Variants in CNIH3 observed in about 807,000 individuals in gnomAD.
CNIH3 encodes the protein cornichon family AMPA receptor auxiliary protein 3.
In CNIH3, 14 loss-of-function variants were observed where a neutral mutation model predicts 24.1. The ratio of observed to expected loss-of-function variants is 0.58; its 90% confidence interval spans 0.38 to 0.91. The LOEUF (loss-of-function observed/expected upper bound fraction) is 0.91. Ranked by LOEUF, CNIH3 falls within the 40% of genes least tolerant of loss-of-function variation. The pLI, the probability that CNIH3 is intolerant of heterozygous loss-of-function variation, is 0.00. For missense variants in CNIH3, 178 were observed against 196.8 expected, an observed-to-expected ratio of 0.90 and a Z score of 0.57; for synonymous variants, 68 against 73.8, an observed-to-expected ratio of 0.92 and a Z score of 0.40.
intron 1 of CNIH3, among the ~76,000 whole-genome samples, chr1:224,455,193 A>T (rs911197867): frequency 3.3e-5 from 5 of 152,178 alleles, no homozygotes; most frequent in African/African-American, 1.2e-4. Flanking sequence ...AAGTAAAAAA[A>T]CAGAATGGTT....
At chr1:224,686,303 A>G (rs954250024) in intron 3 of CNIH3, among the ~76,000 whole-genome samples, 1 of 152,058 alleles carries the variant, frequency 6.6e-6, no homozygotes, top group Admixed American at 6.6e-5. Context: ...GATGGTTTCC[A>G]GCTTCATCCA....
At chr1:224,642,675 G>A (rs145197037) in intron 1 of CNIH3, among the ~76,000 whole-genome samples, 1 of 152,196 alleles carries the variant, frequency 6.6e-6, no homozygotes, top group African/African-American at 2.4e-5. Context: ...TATATTCTGG[G>A]TGACTCAAGC....
At chr1:224,594,023 A>C (rs1210843155) in intron 3 of CNIH3, among the ~76,000 whole-genome samples, 1 of 152,250 alleles carries the variant, frequency 6.6e-6, no homozygotes, top group Non-Finnish European at 1.5e-5. Flanking sequence ...TTATTGTTTA[A>C]TGGGTACAGA....
At chr1:224,705,412 C>A (rs1223394663) in intron 3 of CNIH3, among the ~76,000 whole-genome samples, 1 of 152,236 alleles carries the variant, frequency 6.6e-6, no homozygotes, top group Non-Finnish European at 1.5e-5. Context: ...CCGCATGTGC[C>A]TTCCATGCAC....
intron 3 of CNIH3, among the ~76,000 whole-genome samples, chr1:224,727,314 A>C (rs1411374861): frequency 1.3e-5 from 2 of 152,246 alleles, no homozygotes; most frequent in African/African-American, 4.8e-5. Context: ...AACTCTTGGC[A>C]GCTTAAAACA....
chr1:224,724,060 T>A (rs1292929267), intron 3 of CNIH3, among the ~76,000 whole-genome samples: 1 of 152,152 alleles, frequency 6.6e-6, no homozygotes, highest in Non-Finnish European at 1.5e-5. Flanking sequence ...CAAAAAATTT[T>A]AAAAAATTTT....
chr1:224,680,857 T>C, intron 1 of CNIH3, 101 bp from the exon 2 acceptor site: 1 of 873,294 alleles, frequency 1.1e-6, no homozygotes, highest in Non-Finnish European at 1.9e-6. Flanking sequence ...TACAGCCTCT[T>C]CCTTTCTGTT....
intron 1 of CNIH3, among the ~76,000 whole-genome samples, chr1:224,642,038 G>C (rs1485474365): frequency 3.9e-5 from 6 of 152,192 alleles, no homozygotes; most frequent in Non-Finnish European, 8.8e-5. Flanking sequence ...TCTGGTTTGG[G>C]AGGGCTGGTT....
At chr1:224,569,977 T>C (rs1291794183) in intron 4 of CNIH3, among the ~76,000 whole-genome samples, 2 of 151,964 alleles carry the variant, frequency 1.3e-5, no homozygotes, top group African/African-American at 2.4e-5. Flanking sequence ...AGACATGGGG[T>C]TTCACCATGT....
chr1:224,675,165 G>A (rs1686078337), intron 1 of CNIH3, among the ~76,000 whole-genome samples: 1 of 152,184 alleles, frequency 6.6e-6, no homozygotes, highest in African/African-American at 2.4e-5. Flanking sequence ...TGATGAGGGA[G>A]GGTGAAATAC....
chr1:224,469,541 T>A (rs1356531231), intron 1 of CNIH3, among the ~76,000 whole-genome samples: 1 of 152,232 alleles, frequency 6.6e-6, no homozygotes, highest in Non-Finnish European at 1.5e-5. Flanking sequence ...AGAGTCTTGC[T>A]CTGTCACCCA....
At chr1:224,625,699 G>A (rs890540117) in intron 1 of CNIH3, among the ~76,000 whole-genome samples, 6 of 152,200 alleles carry the variant, frequency 3.9e-5, no homozygotes, top group East Asian at 1.9e-4. Flanking sequence ...GATCAGGGTG[G>A]TTGAAGGTGT....
At chr1:224,440,039 C>T (rs993532848) in intron 1 of CNIH3, among the ~76,000 whole-genome samples, 1 of 152,208 alleles carries the variant, frequency 6.6e-6, no homozygotes, top group Admixed American at 6.5e-5. Context: ...CTGCCCGCCT[C>T]GGCCTCCCAA....
At chr1:224,529,617 G>T (rs1678983584) in intron 2 of CNIH3, among the ~76,000 whole-genome samples, 1 of 152,192 alleles carries the variant, frequency 6.6e-6, no homozygotes, top group Non-Finnish European at 1.5e-5. Context: ...AACTTATGCT[G>T]CCCCTTCCAG....
chr1:224,649,578 T>A (rs918746602), intron 1 of CNIH3, among the ~76,000 whole-genome samples: 3 of 152,218 alleles, frequency 2.0e-5, no homozygotes, highest in Non-Finnish European at 4.4e-5. Flanking sequence ...GGATGAATTA[T>A]GAATTCTATA....
intron 1 of CNIH3, among the ~76,000 whole-genome samples, chr1:224,635,878 A>AT (rs893778956): frequency 3.6e-4 from 54 of 150,120 alleles, no homozygotes; most frequent in African/African-American, 9.8e-4. Context: ...CACCTGGCTC[A>AT]TTTTTTTTTC....
intron 1 of CNIH3, among the ~76,000 whole-genome samples, chr1:224,632,321 A>AT (rs1381625039): frequency 6.6e-6 from 1 of 152,076 alleles, no homozygotes; most frequent in East Asian, 1.9e-4. Context: ...AAGAGAACAC[A>AT]TTGTGTCAAT....
chr1:224,661,652 G>A (rs926880958), intron 1 of CNIH3: 8 of 279,856 alleles, frequency 2.9e-5, no homozygotes, highest in East Asian at 9.7e-5. Flanking sequence ...AATGACTTCC[G>A]CCACGTCCTC....
chr1:224,644,976 C>T (rs999107383), intron 1 of CNIH3, among the ~76,000 whole-genome samples: 4 of 152,206 alleles, frequency 2.6e-5, no homozygotes, highest in African/African-American at 9.7e-5. Context: ...CAACTAAGGA[C>T]TGTGGAAGCA....
Sources: gnomAD v4.1 joint callset for allele counts (sites outside exome capture counted in the v4.1 genomes callset) on GRCh38, gnomAD v4.1.1 for gene constraint, MANE v1.5 for transcripts, NCBI Gene and HGNC (gene_info 2026-07-23, HGNC 2026-07-21) for gene names.